Variants in NEK11 observed in about 807,000 individuals in gnomAD.
NEK11 encodes the protein serine/threonine-protein kinase Nek11.
Under a neutral mutation model 80.7 loss-of-function variants are expected in NEK11, and 72 were observed. That is an observed-to-expected ratio of 0.89 (90% CI 0.74 to 1.08). The LOEUF (loss-of-function observed/expected upper bound fraction) is 1.08, where lower values mean the gene tolerates loss of function less well. Ranked by LOEUF, NEK11 falls within the 50% of genes least tolerant of loss-of-function variation. The pLI, the probability that NEK11 is intolerant of heterozygous loss-of-function variation, is 0.00. For missense variants in NEK11, 764 were observed against 763.6 expected, an observed-to-expected ratio of 1.00 and a Z score of -0.01; for synonymous variants, 251 against 260.7, an observed-to-expected ratio of 0.96 and a Z score of 0.36.
At chr3:131,035,045 A>G (rs1378827929) in intron 3 of NEK11, among the ~76,000 whole-genome samples, 3 of 152,208 alleles carry the variant, frequency 2.0e-5, no homozygotes, top group Non-Finnish European at 4.4e-5. Flanking sequence ...GTAACAAGGA[A>G]ATGCTTTATC....
At chr3:131,224,234 CT>C (rs112866610) in intron 14 of NEK11, among the ~76,000 whole-genome samples, 9,652 of 147,614 alleles carry the variant, frequency 0.065, 880 homozygotes, top group African/African-American at 0.21. Context: ...ATTTACTATA[CT>C]TTTTTTTTTT....
chr3:131,207,855 C>G (rs145707111), intron 14 of NEK11, among the ~76,000 whole-genome samples: 1,558 of 152,234 alleles, frequency 0.01, 26 homozygotes, highest in African/African-American at 0.035. Context: ...TTTGTAGATT[C>G]TGTATATTAG....
intron 5 of NEK11, 88 bp from the exon 6 acceptor site, chr3:131,132,657 A>G (rs558446687): frequency 1.9e-5 from 13 of 684,696 alleles, no homozygotes; most frequent in African/African-American, 1.9e-4. Flanking sequence ...TTATGTGTAA[A>G]TCATGTGCAA....
intron 16 of NEK11, among the ~76,000 whole-genome samples, chr3:131,266,898 G>T (rs2096069929): frequency 6.6e-6 from 1 of 152,176 alleles, no homozygotes; most frequent in South Asian, 2.1e-4. Context: ...ATACATTTAG[G>T]ATAGTTAGCT....
chr3:131,232,550 A>G (rs1378218447), intron 15 of NEK11, among the ~76,000 whole-genome samples: 2 of 152,220 alleles, frequency 1.3e-5, no homozygotes, highest in East Asian at 3.8e-4. Flanking sequence ...CCTAAGATGA[A>G]AGGCGGCAGA....
intron 14 of NEK11, among the ~76,000 whole-genome samples, chr3:131,193,129 A>G (rs1170819686): frequency 6.6e-6 from 1 of 152,212 alleles, no homozygotes; most frequent in Non-Finnish European, 1.5e-5. Flanking sequence ...CATACTTATC[A>G]TGAAAGTTAA....
At chr3:131,300,734 C>G (rs758079006) in intron 17 of NEK11, among the ~76,000 whole-genome samples, 5 of 152,076 alleles carry the variant, frequency 3.3e-5, no homozygotes, top group African/African-American at 4.8e-5. Flanking sequence ...TTCCATTGTT[C>G]TGTGTGTCTG....
At chr3:131,344,219 T>A (rs1050593247) in intron 17 of NEK11, among the ~76,000 whole-genome samples, 2 of 152,152 alleles carry the variant, frequency 1.3e-5, no homozygotes, top group Non-Finnish European at 1.5e-5. Context: ...CCCTCAATCA[T>A]CACTTTGAAG....
chr3:131,212,310 A>G (rs1286026911), intron 14 of NEK11, among the ~76,000 whole-genome samples: 2 of 152,154 alleles, frequency 1.3e-5, no homozygotes, highest in African/African-American at 4.8e-5. Flanking sequence ...GCAGAACAGC[A>G]AATATTGCAG....
At chr3:131,154,021 A>T (rs1579200464) in intron 9 of NEK11, among the ~76,000 whole-genome samples, 1 of 152,300 alleles carries the variant, frequency 6.6e-6, no homozygotes, top group Non-Finnish European at 1.5e-5. Flanking sequence ...TGGCACAGAG[A>T]GGTCCTGATT....
intron 4 of NEK11, among the ~76,000 whole-genome samples, chr3:131,097,959 A>G (rs1235286754): frequency 6.9e-6 from 1 of 145,834 alleles, no homozygotes; most frequent in Admixed American, 6.9e-5. Flanking sequence ...CAAAACAGAT[A>G]TAGATCAATG....
intron 4 of NEK11, among the ~76,000 whole-genome samples, chr3:131,098,917 A>G (rs1419006231): frequency 6.6e-6 from 1 of 151,676 alleles, no homozygotes; most frequent in African/African-American, 2.4e-5. Context: ...ATTTTATTCC[A>G]TTCTGTACAT....
At chr3:131,270,845 T>C (rs559962405) in intron 16 of NEK11, among the ~76,000 whole-genome samples, 5 of 152,304 alleles carry the variant, frequency 3.3e-5, no homozygotes, top group Admixed American at 3.3e-4. Flanking sequence ...TCTTCAAAAC[T>C]TGCCAGCTCT....
At chr3:131,142,186 G>A (rs1257716946) in intron 7 of NEK11, among the ~76,000 whole-genome samples, 1 of 152,196 alleles carries the variant, frequency 6.6e-6, no homozygotes, top group Non-Finnish European at 1.5e-5. Flanking sequence ...AGTTAGTTGT[G>A]ACACACTTCA....
At chr3:131,287,143 T>C (rs1441121712) in intron 17 of NEK11, among the ~76,000 whole-genome samples, 1 of 152,206 alleles carries the variant, frequency 6.6e-6, no homozygotes, top group Non-Finnish European at 1.5e-5. Context: ...AGGCATGCTC[T>C]TTGGTGCAGC....
At chr3:131,291,069 C>A in intron 17 of NEK11, among the ~76,000 whole-genome samples, 1 of 152,102 alleles carries the variant, frequency 6.6e-6, no homozygotes, top group East Asian at 1.9e-4. Context: ...TTTCACTACC[C>A]TAAAAATACT....
At position 131,343,087 on chromosome 3, in the gene NEK11, G is replaced by T. The variant is rs569610402; in HGVS notation, c.1719-6470G>T. ...AAAGCAACAAACATAACTCTTTCAAGAAGTTTTGTTGGGAATAGAGATCAA... is the reference window on the plus strand; with the variant it reads ...AAAGCAACAAACATAACTCTTTCAATAAGTTTTGTTGGGAATAGAGATCAA... On this transcript the variant is annotated intron_variant, in intron 17 of 17. Coordinates refer to ENST00000383366, the MANE Select transcript of NEK11 (RefSeq NM_024800.5). Among the ~76,000 whole-genome samples, 4 of 152,144 alleles carry T rather than the reference G, an allele frequency of 2.6e-5. No homozygotes were observed. In the East Asian group the frequency reaches 7.8e-4, roughly 30 times the overall value.
At chr3:131,136,728 C>G (rs1413864183) in intron 7 of NEK11, among the ~76,000 whole-genome samples, 1 of 152,130 alleles carries the variant, frequency 6.6e-6, no homozygotes, top group Non-Finnish European at 1.5e-5. Flanking sequence ...AAGTTATTTG[C>G]AAAGTTAGGA....
chr3:131,337,451 T>G (rs1327958624), intron 17 of NEK11, among the ~76,000 whole-genome samples: 1 of 149,634 alleles, frequency 6.7e-6, no homozygotes, highest in African/African-American at 2.5e-5. Flanking sequence ...AACATCACAC[T>G]CTGGGGACTG....
Sources: allele counts gnomAD v4.1 joint callset (sites outside exome capture counted in the v4.1 genomes callset), GRCh38; gene constraint gnomAD v4.1.1; transcripts MANE v1.5; gene names NCBI Gene and HGNC (gene_info 2026-07-23, HGNC 2026-07-21).